TCF12: variants seen among roughly 807,000 people sequenced by gnomAD.
TCF12 encodes the protein transcription factor 12.
A neutral mutation model predicts 86.0 loss-of-function variants in TCF12; 45 were observed. The observed-to-expected ratio is 0.52, with a 90% CI of 0.41 to 0.67. TCF12 has a LOEUF of 0.67. Among genes scored for constraint, TCF12 ranks in the 30% least tolerant of loss-of-function variants. TCF12 has a pLI of 0.00. For missense variants in TCF12, 881 were observed against 859.9 expected (o/e 1.02, Z -0.31); for synonymous variants, 330 against 299.6 (o/e 1.10, Z -1.05).
intron 6 of TCF12, among the ~76,000 whole-genome samples, chr15:57,185,295 T>C (rs1335977042): frequency 6.6e-6 from 1 of 152,186 alleles, no homozygotes; most frequent in Non-Finnish European, 1.5e-5. Flanking sequence ...TGCTCCAACA[T>C]TGTTGAATAA....
chr15:57,094,994 A>G (rs1470563574), intron 5 of TCF12, among the ~76,000 whole-genome samples: 1 of 152,210 alleles, frequency 6.6e-6, no homozygotes, highest in Non-Finnish European at 1.5e-5. Flanking sequence ...ACAATTTGCA[A>G]CAGAAAGTGT....
chr15:57,091,627 A>G (rs1250465665), intron 4 of TCF12, among the ~76,000 whole-genome samples, 162 bp from the exon 5 acceptor site: 1 of 152,240 alleles, frequency 6.6e-6, no homozygotes, highest in Non-Finnish European at 1.5e-5. Context: ...TAAAAGGAAT[A>G]AAAGAAGCAC....
intron 4 of TCF12, among the ~76,000 whole-genome samples, chr15:57,067,107 C>T (rs1208196191): frequency 6.6e-6 from 1 of 152,152 alleles, no homozygotes; most frequent in East Asian, 1.9e-4. Flanking sequence ...TGTGTGTCTG[C>T]CCTTGCTTTT....
chr15:57,156,064 C>A (rs1415512737), intron 5 of TCF12, among the ~76,000 whole-genome samples: 2 of 152,164 alleles, frequency 1.3e-5, no homozygotes, highest in African/African-American at 4.8e-5. Context: ...ATACTGACTT[C>A]AGTTTGCTGT....
intron 8 of TCF12, among the ~76,000 whole-genome samples, chr15:57,221,184 T>TC (rs1475798012): frequency 1.3e-5 from 2 of 152,142 alleles, no homozygotes; most frequent in African/African-American, 4.8e-5. Flanking sequence ...ATCTTTAAAC[T>TC]CATTAAAAAG....
intron 3 of TCF12, among the ~76,000 whole-genome samples, chr15:56,953,191 A>G (rs1190559468): frequency 6.6e-6 from 1 of 152,020 alleles, no homozygotes; most frequent in African/African-American, 2.4e-5. Context: ...CATTCCTCAG[A>G]TAAACCCCAT....
At chr15:57,191,096 A>G (rs935519126) in intron 6 of TCF12, among the ~76,000 whole-genome samples, 1 of 152,176 alleles carries the variant, frequency 6.6e-6, no homozygotes, top group African/African-American at 2.4e-5. Context: ...ACATAAATAG[A>G]TTGCTTAAAT....
At chr15:56,960,288 A>G (rs926171020) in intron 3 of TCF12, among the ~76,000 whole-genome samples, 1 of 152,186 alleles carries the variant, frequency 6.6e-6, no homozygotes, top group Non-Finnish European at 1.5e-5. Context: ...TTTTTGCAGT[A>G]AAGTTCTATT....
chr15:57,095,092 A>T (rs1313815716), intron 5 of TCF12, among the ~76,000 whole-genome samples: 1 of 152,238 alleles, frequency 6.6e-6, no homozygotes, highest in African/African-American at 2.4e-5. Flanking sequence ...TCCTGTGGAT[A>T]TGTCAATATG....
chr15:57,282,359 AC>A, intron 19 of TCF12, 85 bp from the exon 20 acceptor site: 2 of 1,518,324 alleles, frequency 1.3e-6, no homozygotes, highest in Non-Finnish European at 1.8e-6. Flanking sequence ...GAATGAAGTT[AC>A]ACAAAACAAC....
intron 3 of TCF12, among the ~76,000 whole-genome samples, chr15:57,026,798 C>G (rs1331700319): frequency 6.6e-6 from 1 of 152,002 alleles, no homozygotes; most frequent in African/African-American, 2.4e-5. Flanking sequence ...TCCAGGACCC[C>G]TGCAGGTAAC....
At chr15:57,173,008 G>C (rs1444070820) in intron 6 of TCF12, among the ~76,000 whole-genome samples, 1 of 151,812 alleles carries the variant, frequency 6.6e-6, no homozygotes, top group Admixed American at 6.6e-5. Flanking sequence ...AGGATTGCTT[G>C]AGCCCAGGAG....
chr15:57,188,322 A>G (rs888066376), intron 6 of TCF12, among the ~76,000 whole-genome samples: 3 of 152,220 alleles, frequency 2.0e-5, no homozygotes, highest in Non-Finnish European at 1.5e-5. Flanking sequence ...AAGAAATTAA[A>G]CAAGACTTAA....
At chr15:57,163,338 G>T (rs2054628085) in intron 5 of TCF12, among the ~76,000 whole-genome samples, 1 of 152,084 alleles carries the variant, frequency 6.6e-6, no homozygotes, top group Non-Finnish European at 1.5e-5. Flanking sequence ...CTGACTAATT[G>T]ACGTAGAAGT....
At chr15:57,235,530 T>C (rs1368870676) in intron 12 of TCF12, among the ~76,000 whole-genome samples, 1 of 152,174 alleles carries the variant, frequency 6.6e-6, no homozygotes, top group Non-Finnish European at 1.5e-5. Context: ...TACAAGGTAT[T>C]GATGAGAATG....
At chr15:57,148,237 G>C (rs1453763127) in intron 5 of TCF12, among the ~76,000 whole-genome samples, 4 of 151,396 alleles carry the variant, frequency 2.6e-5, no homozygotes, top group Non-Finnish European at 4.4e-5. Flanking sequence ...GCTAGAGTGG[G>C]GTTATTTTAG....
chr15:57,102,647 G>A (rs2049841240), intron 5 of TCF12, among the ~76,000 whole-genome samples: 1 of 151,836 alleles, frequency 6.6e-6, no homozygotes, highest in Non-Finnish European at 1.5e-5. Flanking sequence ...GAAAGTACCA[G>A]GTTTTTTCTT....
At chr15:57,092,300 A>G (rs1397399585) in intron 5 of TCF12, among the ~76,000 whole-genome samples, 1 of 152,194 alleles carries the variant, frequency 6.6e-6, no homozygotes, top group African/African-American at 2.4e-5. Context: ...TGCATTGGAC[A>G]ATATTTCTCC....
intron 3 of TCF12, among the ~76,000 whole-genome samples, chr15:57,037,324 C>T (rs541281362): frequency 2.9e-4 from 44 of 152,122 alleles, no homozygotes; most frequent in Non-Finnish European, 5.1e-4. Flanking sequence ...GCCTGTAATC[C>T]CAGCAACTTG....
Sources: gnomAD v4.1 joint callset for allele counts (sites outside exome capture counted in the v4.1 genomes callset) on GRCh38, gnomAD v4.1.1 for gene constraint, MANE v1.5 for transcripts, NCBI Gene and HGNC (gene_info 2026-07-23, HGNC 2026-07-21) for gene names.